Variants in MYO3A observed in about 807,000 individuals in gnomAD.
MYO3A encodes myosin-IIIa.
Under a neutral mutation model 192.7 loss-of-function variants are expected in MYO3A, and 180 were observed. The ratio of observed to expected loss-of-function variants is 0.93; its 90% CI spans 0.83 to 1.06. The LOEUF is 1.06. Among genes scored for constraint, MYO3A ranks in the 50% least tolerant of loss-of-function variants. The pLI is 0.00. For synonymous variants in MYO3A, 628 were observed against 645.3 expected (o/e 0.97, Z 0.41); for missense variants, 1,896 against 1,905.0 (o/e 1.00, Z 0.09).
intron 23 of MYO3A, 47 bp from the exon 24 acceptor site, chr10:26,153,803 C>T (rs1840939855): frequency 1.7e-6 from 2 of 1,199,418 alleles, no homozygotes; most frequent in Non-Finnish European, 2.5e-6. Context: ...ATCATCTAGC[C>T]ATTAAGGATT....
chr10:26,021,883 G>C, intron 8 of MYO3A: 1 of 535,786 alleles, frequency 1.9e-6, no homozygotes, highest in Non-Finnish European at 3.3e-6. Context: ...TCTCTCTTTT[G>C]CTAGGATTTG....
At chr10:26,129,544 T>G (rs1019944815) in intron 20 of MYO3A, among the ~76,000 whole-genome samples, 1 of 152,198 alleles carries the variant, frequency 6.6e-6, no homozygotes, top group African/African-American at 2.4e-5. Context: ...TCTGCTTATC[T>G]CTGTAGCATG....
Position 26,016,962 on chromosome 10 carries a change from T to C in MYO3A, c.585+66T>C, listed in dbSNP as rs1323057805. On this transcript the variant is annotated intron_variant, in intron 7 of 34. Transcript: ENST00000642920. ...CCTGTTTGACTTTCCTTTTTATGTG[T>C]ACTCTATCTCTGTAAGCATTTTGGA... 2.8e-6 allele frequency: 4 copies of C among 1,411,296 alleles called. No homozygotes were observed. In the African/African-American group the frequency reaches 5.7e-5, roughly 20 times the overall value. 87.4% of individuals were successfully genotyped at this position (1,411,296 alleles called of 1,614,324 possible). A position where few individuals can be genotyped will look rare whatever the true frequency, so the allele number is the denominator to read the frequency against.
At chr10:26,000,095 T>G (rs1340181127) in intron 6 of MYO3A, among the ~76,000 whole-genome samples, 1 of 152,186 alleles carries the variant, frequency 6.6e-6, no homozygotes, top group African/African-American at 2.4e-5. Flanking sequence ...TGCGACTACC[T>G]TGTTCAGTAT....
At chr10:26,029,932 A>G (rs574812924) in intron 10 of MYO3A, among the ~76,000 whole-genome samples, 3 of 150,854 alleles carry the variant, frequency 2.0e-5, no homozygotes, top group Non-Finnish European at 4.4e-5. Context: ...CTTTGCCATT[A>G]TCTGGTTTCA....
intron 10 of MYO3A, among the ~76,000 whole-genome samples, chr10:26,057,023 A>C (rs1337008812): frequency 6.6e-6 from 1 of 152,218 alleles, no homozygotes; most frequent in Non-Finnish European, 1.5e-5. Context: ...AGATCAATAA[A>C]GTTAAAGGAC....
At chr10:26,019,171 C>A (rs900395918) in intron 7 of MYO3A, among the ~76,000 whole-genome samples, 18 of 151,938 alleles carry the variant, frequency 1.2e-4, no homozygotes, top group Non-Finnish European at 2.5e-4. Context: ...TCTAAGCAAC[C>A]ATTAATCTAT....
intron 5 of MYO3A, 116 bp downstream of exon 5, chr10:25,996,710 A>C: frequency 4.7e-6 from 4 of 842,340 alleles, no homozygotes; most frequent in Non-Finnish European, 7.9e-6. Context: ...TATTGATGGA[A>C]GAATATATGC....
chr10:26,115,452 A>G (rs186371672), intron 17 of MYO3A, among the ~76,000 whole-genome samples: 1 of 152,328 alleles, frequency 6.6e-6, no homozygotes, highest in East Asian at 1.9e-4. Context: ...ATATTTAATT[A>G]ATTCAGTGTA....
rs370676385 is a variant in MYO3A at position 26,010,471 on chromosome 10, TG to T, written c.509-6348del. On this transcript the variant is annotated intron_variant, in intron 6 of 34. Coordinates refer to ENST00000642920, the MANE Select transcript of MYO3A (RefSeq NM_017433.5). ...AGTTGTTTTTTTTTTTTTTTTTTTT[TG>T]TTTTGTTTTTTTATGGAGTCTTGCT... Among the ~76,000 whole-genome samples the T allele has an allele frequency of 6.4e-3, 890 of 139,058 alleles. 1 individual carries two copies. Among genetic ancestry groups the T allele is most frequent in the African/African-American group, 0.02 (702 of 34,940 alleles). 91.2% of individuals were successfully genotyped at this position (139,058 alleles called of 152,430 possible). A position where few individuals can be genotyped will look rare whatever the true frequency, so the allele number is the denominator to read the frequency against.
chr10:26,137,438 A>G (rs1340112844), intron 20 of MYO3A, among the ~76,000 whole-genome samples: 2 of 152,226 alleles, frequency 1.3e-5, no homozygotes, highest in African/African-American at 2.4e-5. Flanking sequence ...TAATCTTGTT[A>G]TCTTTGTAAG....
Position 26,062,515 on chromosome 10 carries a change from C to CAAAAAAAA in MYO3A, c.954-4449_954-4442dup, listed in dbSNP as rs573334201. On this transcript the variant is annotated intron_variant, in intron 10 of 34. Coordinates refer to ENST00000642920, the MANE Select transcript of MYO3A (RefSeq NM_017433.5). Reference sequence around the variant, plus strand: ...CTGGCGACAGAGTGAGATGCCATCTCAAAAAAAAAAAAAAAAAATTATGGA... The same window carrying CAAAAAAAA: ...CTGGCGACAGAGTGAGATGCCATCTCAAAAAAAAAAAAAAAAAAAAAAAAAATTATGGA... Among the ~76,000 whole-genome samples, 24 of 42,208 alleles carry CAAAAAAAA rather than the reference C, an allele frequency of 5.7e-4. 2 individuals carry two copies. Among genetic ancestry groups the CAAAAAAAA allele is most frequent in the South Asian group, 1.2e-3 (1 of 802 alleles). The allele number at this position is 42,208 out of a possible 152,430, so 27.7% of individuals were successfully genotyped here. A position where few individuals can be genotyped will look rare whatever the true frequency, so the allele number is the denominator to read the frequency against.
intron 30 of MYO3A, among the ~76,000 whole-genome samples, chr10:26,176,380 G>A (rs1469893390): frequency 1.3e-5 from 2 of 152,310 alleles, no homozygotes; most frequent in East Asian, 1.9e-4. Flanking sequence ...GAAGCAGAAA[G>A]GCAAACACAG....
At chr10:25,974,339 G>C (rs1346975257) in intron 4 of MYO3A, among the ~76,000 whole-genome samples, 1 of 152,178 alleles carries the variant, frequency 6.6e-6, no homozygotes, top group Non-Finnish European at 1.5e-5. Context: ...TTGCTAAGCT[G>C]TCCAGTCTGT....
intron 14 of MYO3A, 147 bp downstream of exon 14, chr10:26,070,548 A>C: frequency 1.3e-6 from 1 of 776,676 alleles, no homozygotes; most frequent in Non-Finnish European, 2.1e-6. Flanking sequence ...TTGAGAGTTT[A>C]AAATAATGAG....
chr10:26,189,806 C>G (rs1387544773), intron 31 of MYO3A, among the ~76,000 whole-genome samples: 1 of 152,048 alleles, frequency 6.6e-6, no homozygotes, highest in Non-Finnish European at 1.5e-5. Context: ...TGGCTCACGC[C>G]TGTAATCCCA....
At chr10:26,177,254 T>C (rs1230993626) in intron 31 of MYO3A, among the ~76,000 whole-genome samples, 1 of 152,200 alleles carries the variant, frequency 6.6e-6, no homozygotes, top group African/African-American at 2.4e-5. Context: ...AACCCCATTA[T>C]ACAAGAAGTA....
chr10:26,058,262 T>C (rs1834238680), intron 10 of MYO3A, among the ~76,000 whole-genome samples: 1 of 152,244 alleles, frequency 6.6e-6, no homozygotes, highest in South Asian at 2.1e-4. Context: ...GATTAAGTTC[T>C]TTCACTTAGC....
chr10:26,090,688 C>T (rs1836647504), intron 15 of MYO3A, among the ~76,000 whole-genome samples: 1 of 152,164 alleles, frequency 6.6e-6, no homozygotes, highest in East Asian at 1.9e-4. Context: ...TGGAAGAATT[C>T]TTAATAGGTA....
Sources: allele counts gnomAD v4.1 joint callset (sites outside exome capture counted in the v4.1 genomes callset), GRCh38; gene constraint gnomAD v4.1.1; transcripts MANE v1.5; gene names NCBI Gene and HGNC (gene_info 2026-07-23, HGNC 2026-07-21).